IFT88: variants seen among roughly 807,000 people sequenced by gnomAD.
The protein encoded by IFT88 is intraflagellar transport 88.
In IFT88, 74 loss-of-function variants were observed where a neutral mutation model predicts 119.5. The observed-to-expected ratio is 0.62, with a 90% CI of 0.51 to 0.75. IFT88 has a LOEUF of 0.75. Among genes scored for constraint, IFT88 ranks in the 30% least tolerant of loss-of-function variants. IFT88 has a pLI of 0.00. For missense variants in IFT88, 961 were observed against 977.7 expected (o/e 0.98, Z 0.23); for synonymous variants, 279 against 316.7 (o/e 0.88, Z 1.26).
chr13:20,674,728 T>TTG (rs750562841), intron 24 of IFT88, among the ~76,000 whole-genome samples: 26,606 of 106,714 alleles, frequency 0.25, 3,069 homozygotes, highest in Middle Eastern at 0.33. Context: ...ATATATATTT[T>TTG]TTTTTTTTTT....
At chr13:20,576,504 T>C (rs2037408695) in intron 2 of IFT88, among the ~76,000 whole-genome samples, 1 of 152,222 alleles carries the variant, frequency 6.6e-6, no homozygotes, top group African/African-American at 2.4e-5. Flanking sequence ...TTTGAGGTCT[T>C]AGATTTCTAA....
intron 16 of IFT88, among the ~76,000 whole-genome samples, chr13:20,637,544 G>C (rs927803704): frequency 6.6e-6 from 1 of 152,190 alleles, no homozygotes; most frequent in African/African-American, 2.4e-5. Flanking sequence ...CTCCTCTGGG[G>C]ACCACAGCCA....
chr13:20,592,861 G>A (rs1485520398), intron 7 of IFT88, among the ~76,000 whole-genome samples: 5 of 148,324 alleles, frequency 3.4e-5, no homozygotes, highest in Non-Finnish European at 7.4e-5. Flanking sequence ...TAAAAAGTTT[G>A]TGTCAGCAGA....
intron 13 of IFT88, among the ~76,000 whole-genome samples, chr13:20,611,785 T>C (rs747483149): frequency 6.6e-6 from 1 of 152,012 alleles, no homozygotes; most frequent in Non-Finnish European, 1.5e-5. Context: ...TTTGTATTTT[T>C]AGTAGACATA....
chr13:20,643,148 A>G (rs1343859643), intron 18 of IFT88, among the ~76,000 whole-genome samples: 1 of 152,180 alleles, frequency 6.6e-6, no homozygotes, highest in Non-Finnish European at 1.5e-5. Context: ...TGGATGCAAC[A>G]TTCAGGACAT....
intron 15 of IFT88, among the ~76,000 whole-genome samples, chr13:20,629,282 T>TA (rs1796294373): frequency 2.0e-5 from 3 of 152,204 alleles, no homozygotes; most frequent in Non-Finnish European, 2.9e-5. Flanking sequence ...TATTAATAGC[T>TA]ATGGAGGTTG....
At chr13:20,599,345 T>C in intron 10 of IFT88, 106 bp from the exon 11 acceptor site, 1 of 553,070 alleles carries the variant, frequency 1.8e-6, no homozygotes. Context: ...TATCTGAGAC[T>C]TCATAACTGA....
At chr13:20,632,065 G>C (rs2048283138) in intron 16 of IFT88, 1 of 150,820 alleles carries the variant, frequency 6.6e-6, no homozygotes, top group Non-Finnish European at 1.5e-5. Flanking sequence ...GATCACCTGA[G>C]CTGGGGAGGT....
intron 3 of IFT88, among the ~76,000 whole-genome samples, chr13:20,586,826 A>T (rs2039756382): frequency 1.3e-5 from 2 of 152,172 alleles, no homozygotes; most frequent in African/African-American, 4.8e-5. Flanking sequence ...TCTAAAGTTC[A>T]CCTAACAACT....
At chr13:20,655,965 A>G (rs957002194) in intron 21 of IFT88, among the ~76,000 whole-genome samples, 1 of 152,060 alleles carries the variant, frequency 6.6e-6, no homozygotes, top group Non-Finnish European at 1.5e-5. Context: ...AAAGTGAACC[A>G]GGCTCAGCAA....
At chr13:20,599,295 T>G (rs540913013) in intron 10 of IFT88, among the ~76,000 whole-genome samples, 156 bp from the exon 11 acceptor site, 7 of 152,220 alleles carry the variant, frequency 4.6e-5, no homozygotes, top group African/African-American at 1.7e-4. Flanking sequence ...GGAGGTAAGT[T>G]TGAAAAGTAT....
At chr13:20,567,612 C>T (rs2035148922) in intron 1 of IFT88, 2 of 431,538 alleles carry the variant, frequency 4.6e-6, no homozygotes, top group African/African-American at 4.2e-5. Context: ...GATTACTGCG[C>T]CAGCTCTGGA....
intron 21 of IFT88, among the ~76,000 whole-genome samples, chr13:20,655,775 T>TGAGC (rs1345722270): frequency 6.6e-6 from 1 of 151,982 alleles, no homozygotes; most frequent in Non-Finnish European, 1.5e-5. Context: ...ATTAAAGGAG[T>TGAGC]GAGCCACCAC....
intron 13 of IFT88, chr13:20,608,125 A>G (rs1566174264): frequency 8.8e-6 from 4 of 456,138 alleles, no homozygotes; most frequent in African/African-American, 2.0e-5. Flanking sequence ...GAGCTACCCA[A>G]ACTCTTAGTT....
chr13:20,578,202 G>A (rs1338420020), intron 2 of IFT88, among the ~76,000 whole-genome samples: 2 of 151,002 alleles, frequency 1.3e-5, no homozygotes, highest in Admixed American at 6.6e-5. Flanking sequence ...CTGCCACCAC[G>A]CCTGGCTAAT....
At chr13:20,658,192 G>A (rs959453313) in intron 22 of IFT88, among the ~76,000 whole-genome samples, 2 of 152,014 alleles carry the variant, frequency 1.3e-5, no homozygotes, top group African/African-American at 2.4e-5. Flanking sequence ...TGCCTCCTGG[G>A]TTGAAGAGAT....
At chr13:20,578,034 C>CTTTTTTTTTTTTTTTTTTTT (rs57202566) in intron 2 of IFT88, among the ~76,000 whole-genome samples, 2 of 55,838 alleles carry the variant, frequency 3.6e-5, no homozygotes, top group Admixed American at 2.9e-4. Context: ...CTTGTTACTT[C>CTTTTTTTTTTTTTTTTTTTT]TTTTTTTTTT....
rs750405706 is a variant in IFT88, at chr13:20,691,200, G to A, written c.*25G>A. ...ATATTCACTTTAATATTTATTAAAG[G>A]AAAGAAATTGCCTTATGAGATCATC... On this transcript the variant is annotated 3_prime_UTR_variant, in exon 26 of 26. Transcript: ENST00000351808. 4 of 1,587,606 alleles carry A rather than the reference G, an allele frequency of 2.5e-6. No individual in the cohort carries two copies. In the South Asian group the frequency reaches 4.5e-5, roughly 18 times the overall value.
intron 20 of IFT88, among the ~76,000 whole-genome samples, chr13:20,649,365 T>A (rs918162637): frequency 1.3e-5 from 2 of 152,134 alleles, no homozygotes; most frequent in African/African-American, 2.4e-5. Context: ...ACTGGAAAAT[T>A]CACAAGTATG....
Sources: gnomAD v4.1 joint callset for allele counts (sites outside exome capture counted in the v4.1 genomes callset) on GRCh38, gnomAD v4.1.1 for gene constraint, MANE v1.5 for transcripts, NCBI Gene and HGNC (gene_info 2026-07-23, HGNC 2026-07-21) for gene names.